Variants in TRPM3 observed in about 807,000 individuals in gnomAD.
TRPM3 encodes the protein transient receptor potential cation channel subfamily M member 3, also known as long transient receptor potential channel 3.
A neutral mutation model predicts 181.2 loss-of-function variants in TRPM3; 77 were observed. The observed-to-expected ratio is 0.42, with a 90% CI of 0.35 to 0.51. TRPM3 has a LOEUF of 0.51. TRPM3 is among the 20% of genes least tolerant of loss of function. The pLI is 0.01. For synonymous variants in TRPM3, 745 were observed against 796.4 expected, an observed-to-expected ratio of 0.94 and a Z score of 1.09; for missense variants, 1,759 against 2,196.7, an observed-to-expected ratio of 0.80 and a Z score of 3.98.
chr9:70,671,247 C>T (rs1418524130), intron 9 of TRPM3, among the ~76,000 whole-genome samples: 1 of 152,014 alleles, frequency 6.6e-6, no homozygotes, highest in East Asian at 1.9e-4. Flanking sequence ...TCAATGAGGT[C>T]AAACAATTTG....
At chr9:70,916,845 T>C (rs1213910302) in intron 1 of TRPM3, among the ~76,000 whole-genome samples, 1 of 152,224 alleles carries the variant, frequency 6.6e-6, no homozygotes, top group Non-Finnish European at 1.5e-5. Context: ...GTGATACATC[T>C]ACTGAACTGG....
chr9:70,802,528 G>A (rs1202028104), intron 6 of TRPM3, among the ~76,000 whole-genome samples: 3 of 152,198 alleles, frequency 2.0e-5, no homozygotes, highest in Non-Finnish European at 2.9e-5. Flanking sequence ...ATTACATAAG[G>A]AAACATATAT....
At position 71,156,100 on chromosome 9, in the gene TRPM3, A is replaced by C. The variant is rs74625362; in HGVS notation, c.183+290553T>G. 7.8e-3 allele frequency among the ~76,000 whole-genome samples: 1,182 copies of C among 152,108 alleles called. 3 individuals are homozygous for C. The highest frequency in any genetic ancestry group is 0.012 in the Non-Finnish European group (790 of 67,996). On this transcript the variant is annotated intron_variant, in intron 1 of 24. Coordinates refer to the TRPM3 transcript ENST00000357533. ...AGCCATCACTCTAAATTAATCTATAAATTGCCATATTCTAGCAGTCACACT... is the reference window on the plus strand; with the variant it reads ...AGCCATCACTCTAAATTAATCTATACATTGCCATATTCTAGCAGTCACACT...
At chr9:70,961,054 G>A (rs1457143109) in intron 1 of TRPM3, among the ~76,000 whole-genome samples, 2 of 152,322 alleles carry the variant, frequency 1.3e-5, no homozygotes, top group African/African-American at 4.8e-5. Flanking sequence ...TTTTGCAGCT[G>A]TGATGAAGTT....
chr9:71,421,400 C>G (rs531612785), intron 1 of TRPM3, among the ~76,000 whole-genome samples: 97 of 151,806 alleles, frequency 6.4e-4, no homozygotes, highest in Non-Finnish European at 1.1e-3. Context: ...AAGCTTTCTT[C>G]CCTCCCTCTA....
chr9:71,268,983 G>A (rs2132116181), intron 1 of TRPM3, among the ~76,000 whole-genome samples: 1 of 152,262 alleles, frequency 6.6e-6, no homozygotes, highest in South Asian at 2.1e-4. Context: ...GTATACAAAG[G>A]AGTAAAGACA....
At chr9:70,778,274 C>T (rs7025697) in intron 7 of TRPM3, among the ~76,000 whole-genome samples, 62,844 of 151,902 alleles carry the variant, frequency 0.41, 13,491 homozygotes, top group African/African-American at 0.53. Flanking sequence ...GAATGCGCCA[C>T]GCATTTATTT....
intron 1 of TRPM3, among the ~76,000 whole-genome samples, chr9:71,427,519 T>C (rs1377113187): frequency 6.6e-6 from 1 of 152,034 alleles, no homozygotes; most frequent in Non-Finnish European, 1.5e-5. Flanking sequence ...TAGGTGCCCA[T>C]CAACAGTGGA....
At position 71,121,174 on chromosome 9, in the gene TRPM3, G is replaced by A. The variant is rs1388482038; in HGVS notation, c.177+4C>T. ...GCGCCATTCAAAGCTGCAAGTTACA[G>A]TACCTTCAGAAGTCTGACAGATGGA... On this transcript the variant is annotated splice_donor_region_variant and intron_variant, in intron 1 of 25. Coordinates refer to ENST00000677713, the MANE Select transcript of TRPM3 (RefSeq NM_001366145.2). 2 of 1,611,060 alleles carry A rather than the reference G, an allele frequency of 1.2e-6. No individual in the cohort carries two copies. The highest frequency in any genetic ancestry group is 3.4e-5 in the Admixed American group (2 of 59,232).
At chr9:71,056,783 C>G (rs1425254225) in intron 1 of TRPM3, among the ~76,000 whole-genome samples, 1 of 151,964 alleles carries the variant, frequency 6.6e-6, no homozygotes, top group Non-Finnish European at 1.5e-5. Context: ...TCTTGAAATT[C>G]TAGTCTCCAG....
At chr9:71,269,386 G>C (rs1230207821) in intron 1 of TRPM3, among the ~76,000 whole-genome samples, 1 of 151,906 alleles carries the variant, frequency 6.6e-6, no homozygotes, top group East Asian at 1.9e-4. Context: ...AAGCATGTCT[G>C]GTTTAAGAGA....
chr9:71,312,932 G>A (rs184710533), intron 1 of TRPM3, among the ~76,000 whole-genome samples: 93 of 152,124 alleles, frequency 6.1e-4, no homozygotes, highest in African/African-American at 2.1e-3. Context: ...AGGATTTTTT[G>A]GGCAGTGAAA....
chr9:70,650,654 T>C (rs1042996904), intron 9 of TRPM3, among the ~76,000 whole-genome samples: 7 of 152,232 alleles, frequency 4.6e-5, no homozygotes, highest in Non-Finnish European at 1.0e-4. Context: ...CCACTTTCTG[T>C]CATATAATTT....
chr9:71,068,220 G>C (rs185015256), intron 1 of TRPM3, among the ~76,000 whole-genome samples: 1 of 152,196 alleles, frequency 6.6e-6, no homozygotes, highest in Admixed American at 6.5e-5. Flanking sequence ...TGGAGACTGA[G>C]TTTCCTAATT....
Position 71,171,534 on chromosome 9 carries a change from C to T in TRPM3, c.183+275119G>A, listed in dbSNP as rs149140994. On this transcript the variant is annotated intron_variant, in intron 1 of 24. Coordinates refer to the TRPM3 transcript ENST00000357533. Reference sequence around the variant, plus strand: ...AATAGAAAAGAACCTACGTGAATATCGGGGCAGGTTCCCCGATACAAACTT... The same window carrying T: ...AATAGAAAAGAACCTACGTGAATATTGGGGCAGGTTCCCCGATACAAACTT... 8.1e-4 allele frequency among the ~76,000 whole-genome samples: 123 copies of T among 152,254 alleles called. 1 individual carries two copies. Among genetic ancestry groups the T allele is most frequent in the African/African-American group, 2.9e-3 (122 of 41,556 alleles).
At chr9:71,382,714 T>C (rs1262197268) in intron 1 of TRPM3, among the ~76,000 whole-genome samples, 1 of 151,386 alleles carries the variant, frequency 6.6e-6, no homozygotes, top group Non-Finnish European at 1.5e-5. Context: ...CTTTATCATA[T>C]ATAGTTTTTA....
chr9:70,662,449 A>G (rs762507348), intron 9 of TRPM3, among the ~76,000 whole-genome samples: 2 of 152,112 alleles, frequency 1.3e-5, no homozygotes, highest in Non-Finnish European at 2.9e-5. Flanking sequence ...ATTACAGAGT[A>G]AACAGACAAC....
chr9:70,839,952 C>T (rs1277497548), intron 5 of TRPM3, among the ~76,000 whole-genome samples: 1 of 152,078 alleles, frequency 6.6e-6, no homozygotes, highest in Non-Finnish European at 1.5e-5. Context: ...ATTAAGCTAG[C>T]TGAGAAAAGA....
At chr9:70,957,205 C>T (rs755721321) in intron 1 of TRPM3, among the ~76,000 whole-genome samples, 1 of 152,050 alleles carries the variant, frequency 6.6e-6, no homozygotes, top group African/African-American at 2.4e-5. Context: ...CTCAAATGAT[C>T]CACGCACTTC....
Sources: gnomAD v4.1 joint callset for allele counts (sites outside exome capture counted in the v4.1 genomes callset) on GRCh38, gnomAD v4.1.1 for gene constraint, MANE v1.5 for transcripts, NCBI Gene and HGNC (gene_info 2026-07-23, HGNC 2026-07-21) for gene names.